The following CADM1 variants were observed in gnomAD, a reference collection of about 807,000 sequenced individuals.
The protein encoded by CADM1 is cell adhesion molecule 1, also known as TSLC-1.
A neutral mutation model predicts 53.1 loss-of-function variants in CADM1; 15 were observed. The ratio of observed to expected loss-of-function variants is 0.28; its 90% CI spans 0.19 to 0.44. The LOEUF (loss-of-function observed/expected upper bound fraction) is 0.44. CADM1 is among the 20% of genes least tolerant of loss of function. CADM1 has a pLI of 1.00. For synonymous variants in CADM1, 281 were observed against 243.0 expected (o/e 1.16, Z -1.45); for missense variants, 434 against 611.3 (o/e 0.71, Z 3.06).
chr11:115,470,351 T>C (rs1362271194), intron 1 of CADM1, among the ~76,000 whole-genome samples: 2 of 152,188 alleles, frequency 1.3e-5, no homozygotes, highest in Non-Finnish European at 2.9e-5. Flanking sequence ...AAACTAGCCA[T>C]TGGCAATGAA....
rs1326352071 is a variant in CADM1, at chr11:115,190,569, TCTCCCG to T, written c.1165+313_1165+318del. ...AATTGCTTTGTAATACAACAAAATT[TCTCCCG>T]ACACATTATATATCTAGGACATAAA... On this transcript the variant is annotated intron_variant, in intron 10 of 11. Transcript: ENST00000331581. 5 of 251,056 alleles carry T rather than the reference TCTCCCG, an allele frequency of 2.0e-5. No individual in the cohort carries two copies. In the South Asian group the frequency reaches 5.4e-4, roughly 27 times the overall value. The allele number at this position is 251,056 out of a possible 1,614,324, so 15.6% of individuals were successfully genotyped here. A position where few individuals can be genotyped will look rare whatever the true frequency, so the allele number is the denominator to read the frequency against.
intron 1 of CADM1, among the ~76,000 whole-genome samples, chr11:115,441,255 G>C (rs553727466): frequency 6.6e-6 from 1 of 152,180 alleles, no homozygotes; most frequent in East Asian, 1.9e-4. Context: ...AAAAGGGTGG[G>C]GTGTGTTGTA....
chr11:115,214,819 T>C (rs1018856549), intron 6 of CADM1, 39 bp from the exon 7 acceptor site: 5 of 1,598,310 alleles, frequency 3.1e-6, no homozygotes, highest in Non-Finnish European at 4.3e-6. Context: ...CACATTATCA[T>C]TCCCCATTGC....
At chr11:115,323,234 T>G (rs1036249166) in intron 1 of CADM1, among the ~76,000 whole-genome samples, 1 of 152,194 alleles carries the variant, frequency 6.6e-6, no homozygotes, top group Non-Finnish European at 1.5e-5. Context: ...TTTATCTTCT[T>G]TAGATAAATG....
intron 1 of CADM1, among the ~76,000 whole-genome samples, chr11:115,331,882 TG>T (rs201994956): frequency 0.013 from 2,040 of 151,296 alleles, 52 homozygotes; most frequent in African/African-American, 0.045. Flanking sequence ...CCTTTTTTTT[TG>T]TTTTTTTGAG....
intron 1 of CADM1, among the ~76,000 whole-genome samples, chr11:115,293,986 T>G (rs1210681192): frequency 6.6e-6 from 1 of 152,180 alleles, no homozygotes; most frequent in East Asian, 1.9e-4. Flanking sequence ...ACAACATATC[T>G]TAAGTTATTT....
intron 1 of CADM1, among the ~76,000 whole-genome samples, chr11:115,501,064 C>T (rs933188639): frequency 6.6e-6 from 1 of 152,184 alleles, no homozygotes; most frequent in South Asian, 2.1e-4. Context: ...TTATTCCCCC[C>T]CTTTTTCGTA....
intron 1 of CADM1, among the ~76,000 whole-genome samples, chr11:115,389,094 G>T (rs1591770412): frequency 6.6e-6 from 1 of 152,044 alleles, no homozygotes; most frequent in Non-Finnish European, 1.5e-5. Context: ...CAGAAAAAAT[G>T]CACAGAGAAA....
intron 1 of CADM1, chr11:115,340,258 G>A (rs1050409516): frequency 2.6e-5 from 4 of 152,014 alleles, no homozygotes; most frequent in African/African-American, 7.2e-5. Flanking sequence ...ATAAAATAAT[G>A]TGTAGGTTTA....
At chr11:115,416,732 C>CAG (rs1364500367) in intron 1 of CADM1, among the ~76,000 whole-genome samples, 5 of 150,938 alleles carry the variant, frequency 3.3e-5, no homozygotes, top group Non-Finnish European at 7.4e-5. Context: ...CACACACACA[C>CAG]ACAGATAGAT....
intron 7 of CADM1, among the ~76,000 whole-genome samples, chr11:115,213,689 A>G (rs1174884980): frequency 6.6e-6 from 1 of 152,220 alleles, no homozygotes; most frequent in Non-Finnish European, 1.5e-5. Flanking sequence ...ATATACTTAT[A>G]TTTGGATTAT....
chr11:115,373,347 G>A (rs1343710782), intron 1 of CADM1, among the ~76,000 whole-genome samples: 6 of 152,118 alleles, frequency 3.9e-5, no homozygotes. Context: ...CACTTTGGGA[G>A]GCTGAGGCAG....
chr11:115,465,743 T>C (rs946591003), intron 1 of CADM1, among the ~76,000 whole-genome samples: 1 of 152,018 alleles, frequency 6.6e-6, no homozygotes, highest in East Asian at 1.9e-4. Context: ...TTAGATTTTT[T>C]TTCCCCAAGC....
chr11:115,273,763 A>T (rs1326441360), intron 1 of CADM1, among the ~76,000 whole-genome samples: 1 of 152,232 alleles, frequency 6.6e-6, no homozygotes, highest in Admixed American at 6.5e-5. Flanking sequence ...ATCACACTAT[A>T]AATGTCATTT....
intron 1 of CADM1, among the ~76,000 whole-genome samples, chr11:115,407,412 A>C (rs1947343129): frequency 6.6e-6 from 1 of 152,208 alleles, no homozygotes; most frequent in Non-Finnish European, 1.5e-5. Flanking sequence ...ACCAAAGCAC[A>C]GGTATGGTGT....
rs1392364421 is a variant in CADM1 at position 115,404,368 on chromosome 11, T to A, written c.124+99903A>T. 4.0e-3 allele frequency among the ~76,000 whole-genome samples: 172 copies of A among 42,828 alleles called. 16 individuals carry two copies. The highest frequency in any genetic ancestry group is 0.023 in the Admixed American group (79 of 3,460). 28.1% of individuals were successfully genotyped at this position (42,828 alleles called of 152,430 possible). A position where few individuals can be genotyped will look rare whatever the true frequency, so the allele number is the denominator to read the frequency against. On this transcript the variant is annotated intron_variant, in intron 1 of 11. Transcript: ENST00000331581. ...AAAAATATATATATATATATATATA[T>A]ATATATATATATATATATATGGCCC...
At position 115,190,946 on chromosome 11, in the gene CADM1, C is replaced by G; in HGVS notation, c.1112-5G>C. 1 of 1,587,658 alleles carries G rather than the reference C, an allele frequency of 6.3e-7. No individual in the cohort carries two copies. Among genetic ancestry groups the G allele is most frequent in the Non-Finnish European group, 8.5e-7 (1 of 1,174,246 alleles). ...AATTGGGCAACTGAGTAAGGCCTTA[C>G]AAGTAAAAACAAATCGTTTTTCTTT... is the stretch of plus-strand genomic sequence containing the variant. On this transcript the variant is annotated splice_polypyrimidine_tract_variant and splice_region_variant and intron_variant, in intron 9 of 11. Coordinates refer to ENST00000331581, the MANE Select transcript of CADM1 (RefSeq NM_001301043.2).
At chr11:115,424,677 C>A (rs1345890102) in intron 1 of CADM1, among the ~76,000 whole-genome samples, 6 of 152,046 alleles carry the variant, frequency 3.9e-5, no homozygotes, top group African/African-American at 1.4e-4. Flanking sequence ...CAGATGTGCA[C>A]CACCATGCCC....
At chr11:115,405,520 A>G (rs1348250750) in intron 1 of CADM1, among the ~76,000 whole-genome samples, 1 of 152,224 alleles carries the variant, frequency 6.6e-6, no homozygotes, top group Non-Finnish European at 1.5e-5. Flanking sequence ...AGAAAGACAC[A>G]TATAAGAATG....
Sources: gnomAD v4.1 joint callset for allele counts (sites outside exome capture counted in the v4.1 genomes callset) on GRCh38, gnomAD v4.1.1 for gene constraint, MANE v1.5 for transcripts, NCBI Gene and HGNC (gene_info 2026-07-23, HGNC 2026-07-21) for gene names.